The following PCDHGA4 variants were observed in gnomAD, a reference collection of about 807,000 sequenced individuals.
PCDHGA4 encodes protocadherin gamma subfamily A, 4, also known as protocadherin gamma-A4.
In PCDHGA4, 38 loss-of-function variants were observed where a neutral mutation model predicts 54.6. That is an observed-to-expected ratio of 0.70 (90% CI 0.54 to 0.91). The LOEUF (loss-of-function observed/expected upper bound fraction) is 0.91. PCDHGA4 is among the 40% of genes least tolerant of loss of function. The pLI is 0.00. For synonymous variants in PCDHGA4, 511 were observed against 512.9 expected (o/e 1.00, Z 0.05); for missense variants, 1,298 against 1,220.9 (o/e 1.06, Z -0.94).
intron 1 of PCDHGA4, among the ~76,000 whole-genome samples, chr5:141,464,934 G>T (rs1353581045): frequency 1.3e-5 from 2 of 151,416 alleles, no homozygotes; most frequent in African/African-American, 4.8e-5. Flanking sequence ...GAGATGTGAG[G>T]TCTCACTATG....
In PCDHGA4 at chr5:141,357,036, C is replaced by A. The variant is rs765676515; in HGVS notation, c.1929C>A (p.Ser643Arg). 5.6e-5 allele frequency: 90 copies of A among 1,614,042 alleles called. 2 individuals carry two copies. In the South Asian group the frequency reaches 8.8e-4, roughly 16 times the overall value. ...AWLSYSLLKS[S>R]EPGLFAVGLH... is the part of the protein sequence containing the mutation. ...TGTCCTACAGCCTACTCAAGTCCAG[C>A]GAGCCGGGACTATTTGCAGTGGGGC... Residue 643 changes from serine (S) to arginine (R), a missense_variant, in exon 1 of 4, where the codon AGC (serine) becomes AGA (arginine). Transcript: ENST00000571252.
intron 1 of PCDHGA4, among the ~76,000 whole-genome samples, chr5:141,450,304 T>C (rs759506660): frequency 1.3e-5 from 2 of 151,906 alleles, no homozygotes; most frequent in African/African-American, 2.4e-5. Flanking sequence ...TGAGCCACCA[T>C]GTGTGGCCTA....
intron 1 of PCDHGA4, chr5:141,427,787 C>A (rs2097070880): frequency 6.8e-7 from 1 of 1,478,064 alleles, no homozygotes; most frequent in Non-Finnish European, 9.4e-7. Context: ...CACTGTCGTC[C>A]TACGTGTCCG....
At chr5:141,465,905 G>C (rs938438286) in intron 1 of PCDHGA4, among the ~76,000 whole-genome samples, 8 of 151,958 alleles carry the variant, frequency 5.3e-5, no homozygotes, top group Non-Finnish European at 8.8e-5. Context: ...GGCAAATCAC[G>C]AGGTCAGGAT....
intron 1 of PCDHGA4, chr5:141,419,630 G>A (rs1484627772): frequency 6.2e-7 from 1 of 1,612,430 alleles, no homozygotes; most frequent in South Asian, 1.1e-5. Context: ...GGTGACCAAG[G>A]TGGTGGCCGT....
chr5:141,427,193 C>T (rs1427995075), intron 1 of PCDHGA4: 1 of 456,496 alleles, frequency 2.2e-6, no homozygotes, highest in Admixed American at 2.4e-5. Context: ...AATCCAAAGA[C>T]TTAATAGACT....
At chr5:141,453,178 A>G (rs939398654) in intron 1 of PCDHGA4, among the ~76,000 whole-genome samples, 1 of 152,128 alleles carries the variant, frequency 6.6e-6, no homozygotes, top group African/African-American at 2.4e-5. Flanking sequence ...CAGTGGTACA[A>G]TCACAGCTCA....
At chr5:141,421,225 G>A in intron 1 of PCDHGA4, 1 of 1,584,302 alleles carries the variant, frequency 6.3e-7, no homozygotes. Flanking sequence ...CTTAGAGCCT[G>A]CCATGGCGAA....
At position 141,486,001 on chromosome 5, in the gene PCDHGA4, C is replaced by G. The variant is rs771993915; in HGVS notation, c.2515-8806C>G. 6.2e-7 allele frequency: 1 copy of G among 1,614,194 alleles called. No homozygotes were observed. Among genetic ancestry groups the G allele is most frequent in the Non-Finnish European group, 8.5e-7 (1 of 1,180,024 alleles). On this transcript the variant is annotated intron_variant, in intron 1 of 3. Transcript: ENST00000571252. The surrounding 1 kb of genome is among the most constrained non-coding windows in gnomAD (Gnocchi z 5.0). ...ACCCGGACCTGGGTCCCAGTGGTAACGTCACCTTTTATTTCAGTGGTCATA... is the reference window on the plus strand; with the variant it reads ...ACCCGGACCTGGGTCCCAGTGGTAAGGTCACCTTTTATTTCAGTGGTCATA...
At chr5:141,423,409 G>T (rs1168604361) in intron 1 of PCDHGA4, 1 of 1,614,148 alleles carries the variant, frequency 6.2e-7, no homozygotes, top group South Asian at 1.1e-5. Flanking sequence ...CCTGCTGCAG[G>T]CTTCTGAAGG....
intron 1 of PCDHGA4, chr5:141,403,279 G>C (rs779882720): frequency 6.2e-7 from 1 of 1,613,900 alleles, no homozygotes. Flanking sequence ...TTAAAGTCCT[G>C]GTTGAAGACA....
At chr5:141,408,971 C>G (rs763728764) in intron 1 of PCDHGA4, 4 of 1,613,698 alleles carry the variant, frequency 2.5e-6, no homozygotes, top group Non-Finnish European at 3.4e-6. Flanking sequence ...AAATCTGCCC[C>G]CTGGGTCCCC....
chr5:141,408,643 C>G (rs751905674), intron 1 of PCDHGA4: 2 of 1,613,910 alleles, frequency 1.2e-6, no homozygotes, highest in Admixed American at 1.7e-5. Context: ...AATCTGCATC[C>G]GCTGGTACAC....
chr5:141,384,622 A>G (rs1360248889), intron 1 of PCDHGA4: 1 of 1,614,218 alleles, frequency 6.2e-7, no homozygotes, highest in East Asian at 2.2e-5. Context: ...TTCTACTGGC[A>G]TGGAGCTGGC....
chr5:141,417,919 G>C, intron 1 of PCDHGA4: 1 of 1,605,944 alleles, frequency 6.2e-7, no homozygotes, highest in Non-Finnish European at 8.5e-7. Flanking sequence ...TATTTCCTTT[G>C]CTGCTGCCTT....
rs767225609 is a variant in PCDHGA4 at position 141,390,056 on chromosome 5, C to T, written c.2514+32435C>T. On this transcript the variant is annotated intron_variant, in intron 1 of 3. Transcript: ENST00000571252. ...CCTCCAGCCCCGCCTCCTGGAGCTG[C>T]TTCCAGCCTGGTCTCTGTGTTAAAT... 9 of 1,613,960 alleles carry T rather than the reference C, an allele frequency of 5.6e-6. No homozygotes were observed. In the Admixed American group the frequency reaches 1.3e-4, roughly 24 times the overall value.
At chr5:141,403,838 GA>G (rs751575888) in intron 1 of PCDHGA4, 1 of 1,613,592 alleles carries the variant, frequency 6.2e-7, no homozygotes, top group African/African-American at 1.3e-5. Context: ...CCAGCTTAAT[GA>G]AAATACTGGG....
chr5:141,410,502 T>C, intron 1 of PCDHGA4: 2 of 1,614,018 alleles, frequency 1.2e-6, no homozygotes, highest in Non-Finnish European at 1.7e-6. Context: ...TTTAATTTCC[T>C]AAAATGCAGT....
At chr5:141,455,239 G>A (rs1034181635) in intron 1 of PCDHGA4, among the ~76,000 whole-genome samples, 1 of 151,898 alleles carries the variant, frequency 6.6e-6, no homozygotes, top group African/African-American at 2.4e-5. Context: ...AAATGTTAAA[G>A]GTCATAGTAC....
Sources: allele counts gnomAD v4.1 joint callset (sites outside exome capture counted in the v4.1 genomes callset), GRCh38; gene constraint gnomAD v4.1.1; non-coding constraint Gnocchi (gnomAD v3.1); transcripts MANE v1.5; gene names NCBI Gene and HGNC (gene_info 2026-07-23, HGNC 2026-07-21).